The following ZNF704 variants were observed in gnomAD, a reference collection of about 807,000 sequenced individuals.
ZNF704 encodes the protein zinc finger protein 704.
A neutral mutation model predicts 44.7 loss-of-function variants in ZNF704; 10 were observed. The observed-to-expected ratio is 0.22, with a 90% confidence interval of 0.14 to 0.38. The LOEUF (loss-of-function observed/expected upper bound fraction) is 0.38, where lower values mean the gene tolerates loss of function less well. ZNF704 is among the 10% of genes least tolerant of loss of function. The probability of loss-of-function intolerance (pLI) is 1.00; values close to 1 mark genes in which losing one functional copy is unlikely to be tolerated. For synonymous variants in ZNF704, 211 were observed against 207.6 expected, an observed-to-expected ratio of 1.02 and a Z score of -0.14; for missense variants, 390 against 545.5, an observed-to-expected ratio of 0.71 and a Z score of 2.84.
chr8:80,724,332 T>G (rs897654886), intron 2 of ZNF704, among the ~76,000 whole-genome samples: 1 of 152,376 alleles, frequency 6.6e-6, no homozygotes, highest in South Asian at 2.1e-4. Context: ...AAAAACATTC[T>G]GGATGCAGAA....
chr8:80,693,144 C>G (rs1346621581), intron 2 of ZNF704, 37 bp from the exon 3 acceptor site: 2 of 1,563,168 alleles, frequency 1.3e-6, no homozygotes, highest in Non-Finnish European at 1.8e-6. Context: ...ACTGTTCACT[C>G]TGCATCTGCT....
intron 2 of ZNF704, among the ~76,000 whole-genome samples, chr8:80,726,654 C>T (rs1302637432): frequency 6.6e-6 from 1 of 151,780 alleles, no homozygotes; most frequent in East Asian, 1.9e-4. Context: ...AATTACTGAA[C>T]TGGGATGATG....
chr8:80,664,997 C>T lies in ZNF704; in HGVS notation c.745G>A (p.Gly249Arg), dbSNP rs1818167319. The change falls in exon 6 of 9, where the codon GGG (glycine) becomes AGG (arginine). Residue 249 changes from glycine (G) to arginine (R), a missense_variant. Transcript: ENST00000327835. ...IKLNTDSVAD[G>R]LSSLAPVSPS... ...GAGACCGGGGCCAGGCTGCTCAGCC[C>T]GTCTGCCACTGAGTCTGTGTTGAGC... 1.9e-6 allele frequency: 3 copies of T among 1,614,172 alleles called. No homozygotes were observed. Among genetic ancestry groups the T allele is most frequent in the South Asian group, 1.1e-5 (1 of 91,080 alleles).
At position 80,670,489 on chromosome 8, in the gene ZNF704, G is replaced by A. The variant is rs7002060; in HGVS notation, c.659+14C>T. Reference sequence around the variant, plus strand: ...CAGATGGGGGCTGCATCCCTGAAGAGAGAGCTGCCTTACCCCAGATGGATG... The same window carrying A: ...CAGATGGGGGCTGCATCCCTGAAGAAAGAGCTGCCTTACCCCAGATGGATG... On this transcript the variant is annotated intron_variant, in intron 5 of 8. Transcript: ENST00000327835. The A allele has an allele frequency of 8.3e-3, 13,363 of 1,603,872 alleles. 935 individuals are homozygous for A. In the African/African-American group the frequency reaches 0.16, roughly 19 times the overall value.
chr8:80,878,077 A>G (rs936745018), upstream of ZNF704, among the ~76,000 whole-genome samples: 1 of 152,164 alleles, frequency 6.6e-6, no homozygotes, highest in Admixed American at 6.5e-5. Context: ...TTTGAGAAGC[A>G]CTGCTGCGGA....
In ZNF704 at chr8:80,635,722, TA is replaced by T. The variant is rs1373847981; in HGVS notation, c.*5643del. On this transcript the variant is annotated 3_prime_UTR_variant, in exon 9 of 9. Coordinates refer to ENST00000327835, the MANE Select transcript of ZNF704 (RefSeq NM_001033723.3). The stretch of plus-strand genomic sequence containing the variant: ...CATACCTGTTAACACTTTTTAGATT[TA>T]AAATATATAAAATGACTCTTCAGGC... 6.6e-6 allele frequency: 1 copy of T among 152,202 alleles called. No individual in the cohort carries two copies. Among genetic ancestry groups the T allele is most frequent in the African/African-American group, 2.4e-5 (1 of 41,456 alleles). 9.4% of individuals were successfully genotyped at this position (152,202 alleles called of 1,614,324 possible).
chr8:80,822,932 A>G (rs1214429599), intron 1 of ZNF704, among the ~76,000 whole-genome samples: 5 of 152,198 alleles, frequency 3.3e-5, no homozygotes, highest in African/African-American at 9.7e-5. Context: ...AGATCTTTGT[A>G]GATTCTGGAT....
chr8:80,766,108 T>C (rs548403669), intron 2 of ZNF704, among the ~76,000 whole-genome samples: 1 of 152,358 alleles, frequency 6.6e-6, no homozygotes, highest in Non-Finnish European at 1.5e-5. Flanking sequence ...ACTTCTTCTA[T>C]TAATAATACC....
At chr8:80,651,508 G>T (rs543387628) in intron 7 of ZNF704, among the ~76,000 whole-genome samples, 14 of 152,278 alleles carry the variant, frequency 9.2e-5, no homozygotes, top group Admixed American at 8.5e-4. Flanking sequence ...AAAGGCAGGG[G>T]TTGCAACCCT....
chr8:80,813,706 G>A (rs764337211), intron 2 of ZNF704, among the ~76,000 whole-genome samples: 9 of 152,104 alleles, frequency 5.9e-5, no homozygotes, highest in Non-Finnish European at 1.0e-4. Context: ...GTGAAACCCC[G>A]TCTCTACTAA....
chr8:80,757,773 T>C (rs977454388), intron 2 of ZNF704, among the ~76,000 whole-genome samples: 2 of 152,236 alleles, frequency 1.3e-5, no homozygotes, highest in Non-Finnish European at 2.9e-5. Flanking sequence ...AATACCATTG[T>C]GTTACAATTG....
At chr8:80,759,863 C>T (rs890170233) in intron 2 of ZNF704, among the ~76,000 whole-genome samples, 1 of 152,070 alleles carries the variant, frequency 6.6e-6, no homozygotes, top group African/African-American at 2.4e-5. Flanking sequence ...TCCATCAGTC[C>T]TCCCATCTTA....
At chr8:80,882,542 G>C in the ZNF704 span, among the ~76,000 whole-genome samples, 7 of 152,046 alleles carry the variant, frequency 4.6e-5, no homozygotes, top group African/African-American at 1.7e-4. Flanking sequence ...CTCTAGCTTT[G>C]TTGTTCAATT....
chr8:80,814,575 G>A (rs1808144381), intron 2 of ZNF704, among the ~76,000 whole-genome samples: 2 of 152,154 alleles, frequency 1.3e-5, no homozygotes, highest in Non-Finnish European at 2.9e-5. Flanking sequence ...GCTACTTTAT[G>A]GGTATTGCTT....
upstream of ZNF704, among the ~76,000 whole-genome samples, chr8:80,879,177 C>A (rs1343429035): frequency 1.3e-5 from 2 of 152,050 alleles, no homozygotes; most frequent in Non-Finnish European, 2.9e-5. Context: ...TAAGATTAAG[C>A]CAAATACCCA....
chr8:80,730,230 T>C (rs759655182), intron 2 of ZNF704, among the ~76,000 whole-genome samples: 11 of 152,166 alleles, frequency 7.2e-5, no homozygotes, highest in Non-Finnish European at 1.3e-4. Context: ...GTGTGCTCCA[T>C]GACTATACAT....
At chr8:80,784,296 CTGAGT>C (rs1181443884) in intron 2 of ZNF704, among the ~76,000 whole-genome samples, 1 of 152,144 alleles carries the variant, frequency 6.6e-6, no homozygotes, top group African/African-American at 2.4e-5. Context: ...AGTGTGATTA[CTGAGT>C]TGAGTGATAA....
At chr8:80,777,582 T>C (rs906126734) in intron 2 of ZNF704, among the ~76,000 whole-genome samples, 2 of 152,126 alleles carry the variant, frequency 1.3e-5, no homozygotes, top group Non-Finnish European at 2.9e-5. Flanking sequence ...CTGAATCATA[T>C]GAAAGTAACC....
chr8:80,720,498 G>A (rs1256406077), intron 2 of ZNF704, among the ~76,000 whole-genome samples: 1 of 152,208 alleles, frequency 6.6e-6, no homozygotes, highest in Non-Finnish European at 1.5e-5. Context: ...AGCACTTTCT[G>A]TATTAGTCTA....
Sources: gnomAD v4.1 joint callset for allele counts (sites outside exome capture counted in the v4.1 genomes callset) on GRCh38, gnomAD v4.1.1 for gene constraint, MANE v1.5 for transcripts, NCBI Gene and HGNC (gene_info 2026-07-23, HGNC 2026-07-21) for gene names.